Variants in PDE4D observed in about 807,000 individuals in gnomAD.
The protein encoded by PDE4D is phosphodiesterase 4D.
Under a neutral mutation model 87.4 loss-of-function variants are expected in PDE4D, and 24 were observed. The observed-to-expected ratio is 0.27, with a 90% CI of 0.20 to 0.39. The LOEUF (loss-of-function observed/expected upper bound fraction) is 0.39, where lower values mean the gene tolerates loss of function less well. PDE4D is among the 10% of genes least tolerant of loss of function. The probability of loss-of-function intolerance (pLI) is 1.00; values close to 1 mark genes in which losing one functional copy is unlikely to be tolerated. For synonymous variants in PDE4D, 384 were observed against 383.2 expected (o/e 1.00, Z -0.02); for missense variants, 714 against 1,041.0 (o/e 0.69, Z 4.32).
intron 1 of PDE4D, among the ~76,000 whole-genome samples, chr5:59,668,836 AGAGGAAGAG>A (rs1746592495): frequency 1.2e-5 from 1 of 80,720 alleles, no homozygotes; most frequent in African/African-American, 5.3e-5. Context: ...AAGAAGAGGA[AGAGGAAGAG>A]GAAGAAGAAG....
chr5:59,299,654 A>C (rs1027592524), intron 1 of PDE4D, among the ~76,000 whole-genome samples: 1 of 152,200 alleles, frequency 6.6e-6, no homozygotes, highest in Non-Finnish European at 1.5e-5. Context: ...GTAAATATGG[A>C]AACAATGCCA....
intron 1 of PDE4D, among the ~76,000 whole-genome samples, chr5:59,577,553 A>C (rs1204078229): frequency 6.6e-6 from 1 of 152,192 alleles, no homozygotes; most frequent in African/African-American, 2.4e-5. Flanking sequence ...TCTCATTTTC[A>C]TATTTAGAAA....
chr5:59,160,845 C>T (rs886998712), intron 5 of PDE4D, among the ~76,000 whole-genome samples: 3 of 152,214 alleles, frequency 2.0e-5, no homozygotes, highest in Non-Finnish European at 4.4e-5. Context: ...CGCCTGTAAT[C>T]CCAGCACTTT....
At chr5:59,571,551 T>A (rs1821851709) in intron 1 of PDE4D, among the ~76,000 whole-genome samples, 1 of 152,206 alleles carries the variant, frequency 6.6e-6, no homozygotes, top group Admixed American at 6.5e-5. Flanking sequence ...AGTTGTGATT[T>A]TTCTCAAGGT....
At chr5:59,078,230 T>C (rs1230058411) in intron 5 of PDE4D, among the ~76,000 whole-genome samples, 1 of 152,206 alleles carries the variant, frequency 6.6e-6, no homozygotes, top group Non-Finnish European at 1.5e-5. Flanking sequence ...ATAAACTTGA[T>C]ATACATACTA....
chr5:59,103,258 T>A (rs999637310), intron 5 of PDE4D, among the ~76,000 whole-genome samples: 6 of 152,126 alleles, frequency 3.9e-5, no homozygotes, highest in Non-Finnish European at 8.8e-5. Context: ...GAAATTTGTA[T>A]ATATTACAAA....
intron 1 of PDE4D, among the ~76,000 whole-genome samples, chr5:59,774,419 C>T (rs950157955): frequency 1.3e-5 from 2 of 152,046 alleles, no homozygotes; most frequent in African/African-American, 2.4e-5. Context: ...AGCCAGTAAA[C>T]AGTTTTTTTA....
At chr5:60,153,916 A>G (rs1409165913) in intron 2 of PDE4D, among the ~76,000 whole-genome samples, 5 of 152,334 alleles carry the variant, frequency 3.3e-5, no homozygotes, top group Non-Finnish European at 7.3e-5. Context: ...TGTAAGACGA[A>G]TAAGTCCTAG....
intron 1 of PDE4D, among the ~76,000 whole-genome samples, chr5:59,499,178 A>G (rs1807797702): frequency 6.6e-6 from 1 of 152,088 alleles, no homozygotes; most frequent in African/African-American, 2.4e-5. Context: ...TCTAAAATAA[A>G]CAAAAAATTA....
At chr5:60,026,781 T>C (rs1388339642) in intron 2 of PDE4D, among the ~76,000 whole-genome samples, 2 of 152,292 alleles carry the variant, frequency 1.3e-5, no homozygotes, top group South Asian at 2.1e-4. Context: ...AAACCCTCAA[T>C]GATTTGCCGT....
intron 3 of PDE4D, among the ~76,000 whole-genome samples, chr5:59,903,171 A>C (rs1752452153): frequency 1.3e-5 from 2 of 152,142 alleles, no homozygotes; most frequent in African/African-American, 4.8e-5. Flanking sequence ...TTTATTTCTC[A>C]AATATCTGAC....
intron 1 of PDE4D, among the ~76,000 whole-genome samples, chr5:59,456,744 C>T (rs1347489062): frequency 6.6e-6 from 1 of 151,982 alleles, no homozygotes; most frequent in Non-Finnish European, 1.5e-5. Flanking sequence ...GGGAGGAGGT[C>T]AAAATATCAA....
intron 6 of PDE4D, among the ~76,000 whole-genome samples, chr5:59,038,285 TG>T (rs1758911140): frequency 6.6e-6 from 1 of 152,186 alleles, no homozygotes; most frequent in South Asian, 2.1e-4. Context: ...CTCAAAAAAC[TG>T]GGCTTTCTTT....
At chr5:59,015,025 G>A (rs1753689400) in intron 6 of PDE4D, among the ~76,000 whole-genome samples, 1 of 152,122 alleles carries the variant, frequency 6.6e-6, no homozygotes, top group South Asian at 2.1e-4. Context: ...AATGGGGAAA[G>A]GATTCCCTAT....
At chr5:59,940,578 T>C (rs1014843616) in intron 3 of PDE4D, among the ~76,000 whole-genome samples, 2 of 152,196 alleles carry the variant, frequency 1.3e-5, no homozygotes, top group South Asian at 4.1e-4. Context: ...AGATGTTTGA[T>C]GGTATCATTC....
chr5:59,334,247 G>GTTTTTTT lies in PDE4D; in HGVS notation c.456-118286_456-118280dup, dbSNP rs564248041. On this transcript the variant is annotated intron_variant, in intron 1 of 14. Coordinates refer to ENST00000340635, the MANE Select transcript of PDE4D (RefSeq NM_001104631.2). ...AAGTTGGAAGAGAGGATCCAGTGGA[G>GTTTTTTT]TTTTTTTTTTTTTTTTTTTTTTTTT... Among the ~76,000 whole-genome samples, 58 of 98,634 alleles carry GTTTTTTT rather than the reference G, an allele frequency of 5.9e-4. 3 individuals carry two copies. The highest frequency in any genetic ancestry group is 1.6e-3 in the South Asian group (4 of 2,578). 64.7% of individuals were successfully genotyped at this position (98,634 alleles called of 152,430 possible).
At chr5:60,364,817 T>C (rs1009505046) in intron 1 of PDE4D, among the ~76,000 whole-genome samples, 2 of 152,358 alleles carry the variant, frequency 1.3e-5, no homozygotes, top group African/African-American at 4.8e-5. Context: ...ATATCTGTTT[T>C]TAAAACCAAA....
At chr5:59,048,250 T>C (rs1201895181) in intron 5 of PDE4D, among the ~76,000 whole-genome samples, 1 of 152,264 alleles carries the variant, frequency 6.6e-6, no homozygotes, top group Non-Finnish European at 1.5e-5. Flanking sequence ...GTTACAATTA[T>C]GTATGCTATT....
intron 1 of PDE4D, among the ~76,000 whole-genome samples, chr5:60,444,301 T>C (rs1163403955): frequency 7.2e-5 from 11 of 152,142 alleles, no homozygotes; most frequent in African/African-American, 2.7e-4. Flanking sequence ...CCCCTGCCAG[T>C]GATTTCACCA....
Sources: allele counts gnomAD v4.1 joint callset (sites outside exome capture counted in the v4.1 genomes callset), GRCh38; gene constraint gnomAD v4.1.1; transcripts MANE v1.5; gene names NCBI Gene and HGNC (gene_info 2026-07-23, HGNC 2026-07-21).